Variants in CLVS1 observed in about 807,000 individuals in gnomAD.
The protein encoded by CLVS1 is clavesin-1.
Under a neutral mutation model 33.1 loss-of-function variants are expected in CLVS1, and 10 were observed. The ratio of observed to expected loss-of-function variants is 0.30; its 90% CI spans 0.19 to 0.51. The LOEUF is 0.51. Ranked by LOEUF, CLVS1 falls within the 20% of genes least tolerant of loss-of-function variation. CLVS1 has a pLI of 0.97. For synonymous variants in CLVS1, 163 were observed against 166.1 expected (o/e 0.98, Z 0.14); for missense variants, 343 against 433.4 (o/e 0.79, Z 1.85).
chr8:60,987,315 GA>G, the CLVS1 span, among the ~76,000 whole-genome samples: 1 of 152,200 alleles, frequency 6.6e-6, no homozygotes, highest in Non-Finnish European at 1.5e-5. Context: ...GCTAGAAAAT[GA>G]AATGGAAATG....
upstream of CLVS1, among the ~76,000 whole-genome samples, chr8:61,284,627 A>G (rs189276337): frequency 2.0e-5 from 3 of 152,362 alleles, no homozygotes; most frequent in East Asian, 5.8e-4. Context: ...TAATAAACAA[A>G]GAAAAGCCTG....
intron 2 of CLVS1, chr8:61,300,502 T>C: frequency 2.2e-6 from 1 of 455,710 alleles, no homozygotes; most frequent in East Asian, 3.4e-5. Flanking sequence ...TTAGAAGTCA[T>C]TATTCTTTTC....
rs1458818436 is a variant in CLVS1 at position 61,383,677 on chromosome 8, G to T, written c.630+6898G>T. ...ATTAAGTATCAATTAAACTCAGGAAGATAATTAGGGCTAATGACACTCTGG... is the reference window on the plus strand; with the variant it reads ...ATTAAGTATCAATTAAACTCAGGAATATAATTAGGGCTAATGACACTCTGG... On this transcript the variant is annotated intron_variant, in intron 3 of 5. Coordinates refer to ENST00000325897, the MANE Select transcript of CLVS1 (RefSeq NM_173519.3). Among the ~76,000 whole-genome samples the T allele has an allele frequency of 4.6e-5, 7 of 152,208 alleles. No individual in the cohort carries two copies. The East Asian group carries it at 1.2e-3, about 25-fold the overall frequency.
chr8:61,159,295 C>G (rs566251401), intron 2 of CLVS1, among the ~76,000 whole-genome samples: 65 of 152,328 alleles, frequency 4.3e-4, no homozygotes, highest in African/African-American at 1.5e-3. Flanking sequence ...GAGGGGCCTT[C>G]TTTTCTACCT....
At chr8:61,401,052 T>C (rs1370387245) in intron 3 of CLVS1, among the ~76,000 whole-genome samples, 3 of 151,974 alleles carry the variant, frequency 2.0e-5, no homozygotes. Flanking sequence ...TAAAATTAAT[T>C]TGTTAATTTT....
intron 3 of CLVS1, among the ~76,000 whole-genome samples, chr8:61,407,420 G>A (rs996561361): frequency 6.6e-6 from 1 of 152,184 alleles, no homozygotes; most frequent in Non-Finnish European, 1.5e-5. Context: ...TATTGTAAAT[G>A]TAATCTTGTG....
chr8:61,338,870 G>C (rs1453086339), intron 2 of CLVS1, among the ~76,000 whole-genome samples: 1 of 152,168 alleles, frequency 6.6e-6, no homozygotes, highest in African/African-American at 2.4e-5. Context: ...TTGCTTGCAG[G>C]GGAGCTCAGG....
intron 2 of CLVS1, among the ~76,000 whole-genome samples, chr8:61,223,222 G>T (rs1347619467): frequency 1.3e-5 from 2 of 152,130 alleles, no homozygotes; most frequent in African/African-American, 4.8e-5. Context: ...CTGTCATCAA[G>T]ATGCTATTTG....
At chr8:61,486,463 T>C (rs1188980830) in intron 5 of CLVS1, among the ~76,000 whole-genome samples, 1 of 152,228 alleles carries the variant, frequency 6.6e-6, no homozygotes, top group East Asian at 1.9e-4. Flanking sequence ...ATCTGACTTT[T>C]ACGTTATTTT....
rs200903613 is a variant in CLVS1, at chr8:61,077,083, C to CT, written c.-243+19863dup. 5.0e-3 allele frequency among the ~76,000 whole-genome samples: 741 copies of CT among 148,986 alleles called. 18 individuals carry two copies. In the East Asian group the frequency reaches 0.081, roughly 16 times the overall value. The stretch of plus-strand genomic sequence containing the variant: ...AACCGTATGATCTAATTTTCTTTAT[C>CT]TTTTTTTTTTGACGGAATCTTGCTT... On this transcript the variant is annotated intron_variant, in intron 1 of 2. Coordinates refer to the CLVS1 transcript ENST00000522621.
Position 61,480,752 on chromosome 8 carries a change from G to C in CLVS1, c.978-18703G>C, listed in dbSNP as rs576941570. On this transcript the variant is annotated intron_variant, in intron 5 of 5. Coordinates refer to ENST00000325897, the MANE Select transcript of CLVS1 (RefSeq NM_173519.3). ...CCCTCAGGGCAAGTCTTAAGAGTGA[G>C]ATTAGACTAGGGTACAGAAGGGTTT... 4.6e-5 allele frequency among the ~76,000 whole-genome samples: 7 copies of C among 152,126 alleles called. No homozygotes were observed. The South Asian group carries it at 1.5e-3, about 32-fold the overall frequency.
intron 1 of CLVS1, among the ~76,000 whole-genome samples, chr8:61,123,995 T>C (rs1805926742): frequency 6.6e-6 from 1 of 152,238 alleles, no homozygotes; most frequent in African/African-American, 2.4e-5. Flanking sequence ...TAAAATGTTT[T>C]GTTCTTGCAC....
intron 3 of CLVS1, among the ~76,000 whole-genome samples, chr8:61,432,148 G>A (rs572830776): frequency 3.9e-5 from 6 of 152,252 alleles, no homozygotes; most frequent in Non-Finnish European, 7.4e-5. Flanking sequence ...GCTATATAAA[G>A]CATGAGACAA....
the CLVS1 span, among the ~76,000 whole-genome samples, chr8:61,015,433 TG>T: frequency 6.6e-6 from 1 of 152,242 alleles, no homozygotes; most frequent in Non-Finnish European, 1.5e-5. Flanking sequence ...GTTTTAATAG[TG>T]TTTAGTAGTT....
At chr8:61,153,108 C>A (rs1335353952) in intron 2 of CLVS1, among the ~76,000 whole-genome samples, 3 of 151,816 alleles carry the variant, frequency 2.0e-5, no homozygotes, top group African/African-American at 7.3e-5. Context: ...AGAGCGAGAC[C>A]CTGTCTCAAA....
chr8:61,193,907 G>T (rs186518269), intron 2 of CLVS1, among the ~76,000 whole-genome samples: 349 of 152,074 alleles, frequency 2.3e-3, no homozygotes, highest in Admixed American at 4.5e-3. Context: ...GATAAAACAC[G>T]TATCAGTAGC....
chr8:61,111,733 A>G (rs1423343587), intron 1 of CLVS1, among the ~76,000 whole-genome samples: 2 of 151,612 alleles, frequency 1.3e-5, no homozygotes. Flanking sequence ...TATTTTGAAT[A>G]TAGGAGAACA....
At chr8:60,969,912 G>A in the CLVS1 span, among the ~76,000 whole-genome samples, 2 of 152,142 alleles carry the variant, frequency 1.3e-5, no homozygotes, top group Admixed American at 1.3e-4. Flanking sequence ...AACAGGATGT[G>A]CATGGGTTCT....
In CLVS1 at chr8:61,407,929, G is replaced by T. The variant is rs527770457; in HGVS notation, c.630+31150G>T. ...ACTTAAATGTACTTATTCACTGGAT[G>T]AGGATTTGTTAAGTGTTTTTCATTT... On this transcript the variant is annotated intron_variant, in intron 3 of 5. Transcript: ENST00000325897. Among the ~76,000 whole-genome samples the T allele has an allele frequency of 3.9e-5, 6 of 152,352 alleles. No individual in the cohort carries two copies. In the South Asian group the frequency reaches 1.2e-3, roughly 32 times the overall value.
Sources: gnomAD v4.1 joint callset for allele counts (sites outside exome capture counted in the v4.1 genomes callset) on GRCh38, gnomAD v4.1.1 for gene constraint, MANE v1.5 for transcripts, NCBI Gene and HGNC (gene_info 2026-07-23, HGNC 2026-07-21) for gene names.